C12orf54: variants seen among roughly 807,000 people sequenced by gnomAD.
C12orf54 encodes the protein chromosome 12 open reading frame 54.
A neutral mutation model predicts 26.4 loss-of-function variants in C12orf54; 24 were observed. That is an observed-to-expected ratio of 0.91 (90% CI 0.66 to 1.28). The LOEUF is 1.28. C12orf54 is among the 50% of genes most tolerant of loss of function. The probability of loss-of-function intolerance (pLI) is 0.00; values close to 1 mark genes in which losing one functional copy is unlikely to be tolerated. For missense variants in C12orf54, 154 were observed against 150.9 expected, an observed-to-expected ratio of 1.02 and a Z score of -0.11; for synonymous variants, 54 against 47.0, an observed-to-expected ratio of 1.15 and a Z score of -0.61.
chr12:48,433,345 G>A, the C12orf54 span, among the ~76,000 whole-genome samples: 2 of 151,960 alleles, frequency 1.3e-5, no homozygotes, highest in Non-Finnish European at 2.9e-5. Flanking sequence ...ATTTTGAACT[G>A]CCTTAGCAGT....
chr12:48,434,897 C>A, the C12orf54 span, among the ~76,000 whole-genome samples: 1 of 152,118 alleles, frequency 6.6e-6, no homozygotes, highest in Non-Finnish European at 1.5e-5. Flanking sequence ...AGCAATGGAA[C>A]AAAGCTGGAC....
chr12:48,483,394 TTAGATTGCTATACTCTA>T (rs1265726089), intron 2 of C12orf54, 33 bp downstream of exon 2: 2 of 1,596,888 alleles, frequency 1.3e-6, no homozygotes. Context: ...TCAAACATCC[TTAGATTGCTATACTCTA>T]TGGGAGAAGA....
At chr12:48,471,523 G>T in the C12orf54 span, among the ~76,000 whole-genome samples, 1 of 152,254 alleles carries the variant, frequency 6.6e-6, no homozygotes, top group East Asian at 1.9e-4. Context: ...TTTTATGTAT[G>T]GTGAAAGGTA....
At chr12:48,477,531 T>C (rs1334621256), upstream of C12orf54, among the ~76,000 whole-genome samples, 1 of 151,350 alleles carries the variant, frequency 6.6e-6, no homozygotes, top group African/African-American at 2.4e-5. Context: ...TAGAGAAGAA[T>C]CAAATAGATG....
At chr12:48,483,964 C>T (rs779593310) in intron 2 of C12orf54, among the ~76,000 whole-genome samples, 13 of 152,126 alleles carry the variant, frequency 8.5e-5, no homozygotes, top group Non-Finnish European at 1.6e-4. Context: ...GAGGCCAAGG[C>T]GGGCGGATCA....
Position 48,488,989 on chromosome 12 carries a change from A to C in C12orf54, c.168+33A>C, listed in dbSNP as rs1452038182. ...TAGATTTTGATTCTCTGAATTCCCC[A>C]GCCCCATCATGTGCCTTGATCCCAT... On this transcript the variant is annotated intron_variant, in intron 5 of 8. Transcript: ENST00000548364. 3 of 1,605,028 alleles carry C rather than the reference A, an allele frequency of 1.9e-6. 1 individual carries two copies. Among genetic ancestry groups the C allele is most frequent in the Admixed American group, 1.7e-5 (1 of 59,902 alleles).
At chr12:48,445,498 G>A in the C12orf54 span, among the ~76,000 whole-genome samples, 13 of 152,124 alleles carry the variant, frequency 8.5e-5, no homozygotes, top group African/African-American at 3.1e-4. Flanking sequence ...TTCTGGGAGA[G>A]GGTTCTTTTT....
chr12:48,487,255 G>A (rs953798509), intron 4 of C12orf54, among the ~76,000 whole-genome samples: 2 of 152,100 alleles, frequency 1.3e-5, no homozygotes, highest in Non-Finnish European at 2.9e-5. Context: ...CATATTAGTT[G>A]CTTGTAAAAC....
chr12:48,447,392 C>A, the C12orf54 span, among the ~76,000 whole-genome samples: 2 of 152,232 alleles, frequency 1.3e-5, no homozygotes, highest in East Asian at 3.9e-4. Flanking sequence ...TGGTGTTTTG[C>A]TATAGCAGTC....
chr12:48,472,107 T>C, the C12orf54 span, among the ~76,000 whole-genome samples: 5 of 152,198 alleles, frequency 3.3e-5, no homozygotes, highest in African/African-American at 7.2e-5. Flanking sequence ...TTTGTGGCTA[T>C]TGTAAATGGG....
At chr12:48,474,684 G>C in the C12orf54 span, among the ~76,000 whole-genome samples, 1 of 152,274 alleles carries the variant, frequency 6.6e-6, no homozygotes, top group African/African-American at 2.4e-5. Flanking sequence ...GTGGCAGCAA[G>C]GCTGCGGGAG....
At chr12:48,488,257 G>A (rs924967044) in intron 4 of C12orf54, 3 of 628,816 alleles carry the variant, frequency 4.8e-6, no homozygotes, top group Non-Finnish European at 6.0e-6. Flanking sequence ...GGCAGGCCTC[G>A]GCCTAAAGGT....
rs536610720 is a variant in C12orf54, at chr12:48,485,492, C to G, written c.66-686C>G. On this transcript the variant is annotated intron_variant, in intron 2 of 8. Coordinates refer to ENST00000548364, the MANE Select transcript of C12orf54 (RefSeq NM_152319.4). ...AACTGTACTAGCAGGAACCCCTGGG[C>G]AAGGAGATGAAGCTGAGTTTGCTCA... is the stretch of plus-strand genomic sequence containing the variant. Among the ~76,000 whole-genome samples, 11 of 152,210 alleles carry G rather than the reference C, an allele frequency of 7.2e-5. No individual in the cohort carries two copies. In the South Asian group the frequency reaches 2.3e-3, roughly 32 times the overall value.
chr12:48,472,875 C>G, the C12orf54 span: 1 of 1,614,110 alleles, frequency 6.2e-7, no homozygotes. Flanking sequence ...GAAGCTTGAA[C>G]TAAGCAGTAA....
intron 5 of C12orf54, chr12:48,489,219 T>C: frequency 1.6e-6 from 1 of 641,650 alleles, no homozygotes; most frequent in Non-Finnish European, 2.9e-6. Flanking sequence ...AAGAATACTC[T>C]ATGTGGTTGT....
chr12:48,419,113 C>G, the C12orf54 span, among the ~76,000 whole-genome samples: 2 of 152,140 alleles, frequency 1.3e-5, no homozygotes, highest in African/African-American at 4.8e-5. Flanking sequence ...TTAATGTCCT[C>G]TCTTCTATCT....
the C12orf54 span, among the ~76,000 whole-genome samples, chr12:48,441,394 C>T: frequency 5.3e-5 from 8 of 152,116 alleles, no homozygotes; most frequent in East Asian, 9.7e-4. Flanking sequence ...AGCTGGGAGG[C>T]GGAGGTTGCA....
the C12orf54 span, among the ~76,000 whole-genome samples, chr12:48,469,828 C>T: frequency 6.6e-6 from 1 of 152,134 alleles, no homozygotes; most frequent in Non-Finnish European, 1.5e-5. Flanking sequence ...TGTTTGGGGT[C>T]CCTGACTTCC....
chr12:48,442,223 TG>T, the C12orf54 span: 1 of 203,770 alleles, frequency 4.9e-6, no homozygotes, highest in Admixed American at 4.6e-5. Flanking sequence ...TGCAGTGAGG[TG>T]GGAGGAGCAG....
Sources: allele counts gnomAD v4.1 joint callset (sites outside exome capture counted in the v4.1 genomes callset), GRCh38; gene constraint gnomAD v4.1.1; transcripts MANE v1.5; gene names NCBI Gene and HGNC (gene_info 2026-07-23, HGNC 2026-07-21).